The following SPIN3 variants were observed in gnomAD, a reference collection of about 807,000 sequenced individuals.
The protein encoded by SPIN3 is spindlin family member 3, also known as spindlin-3.
For missense variants in SPIN3, 176 were observed against 196.4 expected, an observed-to-expected ratio of 0.90 and a Z score of 0.62; for synonymous variants, 74 against 74.3, an observed-to-expected ratio of 1.00 and a Z score of 0.02.
At chrX:56,984,851 C>T (rs764190674) in intron 2 of SPIN3, among the ~76,000 whole-genome samples, 3 of 111,691 alleles carry the variant, frequency 2.7e-5, no homozygotes, top group South Asian at 7.6e-4. Context: ...TATCCAATAA[C>T]TGTTCAACAG....
Position 56,994,282 on chromosome X carries a change from G to A in SPIN3, c.666C>T (p.Ser222=). The part of the protein sequence containing the change: ...KQVEYAKDDG[S]KRTGMVIHQV... ...GATGAATGACCATGCCAGTTCTCTT[G>A]GAGCCATCGTCTTTGGCGTATTCCA... is the stretch of plus-strand genomic sequence containing the variant. The change falls in exon 2 of 2, where the codon TCC becomes TCT. Residue 222 remains serine (S), a synonymous_variant. Transcript: ENST00000374919. 3 of 1,211,767 alleles carry A rather than the reference G, an allele frequency of 2.5e-6. No individual in the cohort carries two copies. The highest frequency in any genetic ancestry group is 3.3e-6 in the Non-Finnish European group (3 of 895,533).
chrX:56,988,984 G>T (rs1305575292), downstream of SPIN3, among the ~76,000 whole-genome samples: 4 of 111,797 alleles, frequency 3.6e-5, no homozygotes, highest in Non-Finnish European at 7.5e-5. Context: ...ACACAAAGAG[G>T]TATTTGACCA....
exon 6 of SPIN3, chrX:56,977,013 T>C (rs776840907): frequency 1.8e-5 from 2 of 111,601 alleles, no homozygotes; most frequent in East Asian, 2.8e-4. Flanking sequence ...CTTGTTGAAA[T>C]GAACAAAATA....
At position 56,994,534 on chromosome X, in the gene SPIN3, C is replaced by T; in HGVS notation, c.414G>A (p.Glu138=). ...MVGKAVEHIF[E]TEEGSKNEWR... ...ATTCATTTTTGGAACCTTCCTCTGT[C>T]TCAAAAATATGTTCCACTGCTTTGC... The change falls in exon 2 of 2, where the codon GAG becomes GAA. Residue 138 remains glutamate, a synonymous_variant. Transcript: ENST00000374919. 8.3e-7 allele frequency: 1 copy of T among 1,211,912 alleles called. No homozygotes were observed.
At chrX:56,983,702 C>A (rs1924166616) in intron 3 of SPIN3, among the ~76,000 whole-genome samples, 1 of 112,494 alleles carries the variant, frequency 8.9e-6, no homozygotes, top group Non-Finnish European at 1.9e-5. Flanking sequence ...TCAACAGTTT[C>A]AACAGACCTG....
In SPIN3 at chrX:56,992,103, C is replaced by T. The variant is rs1158104401; in HGVS notation, c.*2068G>A. The stretch of plus-strand genomic sequence containing the variant: ...CAAAATTCTGCCTTTCCCAATTTCT[C>T]GTTTTTCTCATTTCAGCCATATAGA... On this transcript the variant is annotated 3_prime_UTR_variant, in exon 2 of 2. Transcript: ENST00000374919. 1 of 295,860 alleles carries T rather than the reference C, an allele frequency of 3.4e-6. No homozygotes were observed. Among genetic ancestry groups the T allele is most frequent in the Admixed American group, 6.2e-5 (1 of 16,242 alleles). 24.4% of individuals were successfully genotyped at this position (295,860 alleles called of 1,213,427 possible). A position where few individuals can be genotyped will look rare whatever the true frequency, so the allele number is the denominator to read the frequency against.
At chrX:56,987,804 C>A (rs908663097), downstream of SPIN3, among the ~76,000 whole-genome samples, 10 of 112,037 alleles carry the variant, frequency 8.9e-5, no homozygotes, top group African/African-American at 2.3e-4. Flanking sequence ...TAAATAATTT[C>A]TTTCACATTT....
chrX:56,980,300 C>A (rs967652366), intron 3 of SPIN3: 1 of 111,028 alleles, frequency 9.0e-6, no homozygotes, highest in African/African-American at 3.3e-5. Flanking sequence ...GATATTCATT[C>A]TTTGGGAATA....
exon 6 of SPIN3, chrX:56,976,819 G>A (rs1377773982): frequency 9.0e-6 from 1 of 111,663 alleles, no homozygotes; most frequent in African/African-American, 3.2e-5. Context: ...ACTGGGGAGA[G>A]TTTGAAATAG....
intron 5 of SPIN3, chrX:56,977,352 A>C (rs1009613663): frequency 2.7e-5 from 3 of 112,190 alleles, no homozygotes; most frequent in Non-Finnish European, 5.6e-5. Flanking sequence ...AGGATTTGCT[A>C]AATAAATTAT....
Position 56,994,047 on chromosome X carries a change from AT to A in SPIN3, c.*123del. ...AACGTATGAGAGGGCAGAAGTTCCA[AT>A]TTTTTTGCCAAGCAAAACGTGCAAA... On this transcript the variant is annotated 3_prime_UTR_variant, in exon 2 of 2. Coordinates refer to ENST00000374919, the MANE Select transcript of SPIN3 (RefSeq NM_001010862.3). 5 of 775,471 alleles carry A rather than the reference AT, an allele frequency of 6.4e-6. No individual in the cohort carries two copies. Among genetic ancestry groups the A allele is most frequent in the South Asian group, 6.8e-5 (2 of 29,275 alleles). The allele number at this position is 775,471 out of a possible 1,213,427, so 63.9% of individuals were successfully genotyped here.
downstream of SPIN3, among the ~76,000 whole-genome samples, chrX:56,986,337 C>T (rs752717329): frequency 1.8e-5 from 2 of 111,836 alleles, no homozygotes; most frequent in African/African-American, 3.2e-5. Context: ...TGTGAATCAC[C>T]TGGACTTCCC....
intron 3 of SPIN3, chrX:56,982,500 T>C (rs1196880188): frequency 9.0e-6 from 1 of 111,512 alleles, no homozygotes; most frequent in Non-Finnish European, 1.9e-5. Flanking sequence ...TGCTTCTGTG[T>C]ACTCTCGTGG....
downstream of SPIN3, among the ~76,000 whole-genome samples, chrX:56,988,829 CTAAA>C (rs966865923): frequency 1.8e-5 from 2 of 111,505 alleles, no homozygotes; most frequent in Non-Finnish European, 3.8e-5. Context: ...AGCTACTGTA[CTAAA>C]TAATCTCTAA....
downstream of SPIN3, among the ~76,000 whole-genome samples, chrX:56,987,700 T>C (rs1924249978): frequency 8.9e-6 from 1 of 111,770 alleles, no homozygotes; most frequent in South Asian, 3.7e-4. Context: ...CTCTTAACTG[T>C]CCAGTAATGT....
chrX:56,975,927 T>C (rs780254935), downstream of SPIN3: 6 of 111,372 alleles, frequency 5.4e-5, no homozygotes, highest in South Asian at 7.6e-4. Flanking sequence ...CCTAAGGCCA[T>C]AGGGATTCCC....
At chrX:56,978,142 T>C (rs1924043969) in intron 5 of SPIN3, 1 of 111,258 alleles carries the variant, frequency 9.0e-6, no homozygotes, top group Admixed American at 9.6e-5. Flanking sequence ...GTAGGAAATA[T>C]ATGGGACATT....
At chrX:56,978,378 G>C (rs773154916) in exon 5 of SPIN3, 4 of 111,993 alleles carry the variant, frequency 3.6e-5, no homozygotes, top group African/African-American at 1.3e-4. Context: ...GTGGACAGAT[G>C]TGGAGATGCT....
Position 56,992,940 on chromosome X carries a change from C to T in SPIN3, c.*1231G>A, listed in dbSNP as rs1242642293. On this transcript the variant is annotated 3_prime_UTR_variant, in exon 2 of 2. Coordinates refer to ENST00000374919, the MANE Select transcript of SPIN3 (RefSeq NM_001010862.3). Reference sequence around the variant, plus strand: ...GGATAGTTAAAAATCCAAACACTAACAAAAATCTATTAGATTTCTATCTAC... The same window carrying T: ...GGATAGTTAAAAATCCAAACACTAATAAAAATCTATTAGATTTCTATCTAC... 8.1e-6 allele frequency: 1 copy of T among 123,157 alleles called. No homozygotes were observed. Among genetic ancestry groups the T allele is most frequent in the Admixed American group, 9.2e-5 (1 of 10,907 alleles). The allele number at this position is 123,157 out of a possible 1,213,427, so 10.1% of individuals were successfully genotyped here. A position where few individuals can be genotyped will look rare whatever the true frequency, so the allele number is the denominator to read the frequency against.
Sources: allele counts gnomAD v4.1 joint callset (sites outside exome capture counted in the v4.1 genomes callset), GRCh38; gene constraint gnomAD v4.1.1; transcripts MANE v1.5; gene names NCBI Gene and HGNC (gene_info 2026-07-23, HGNC 2026-07-21).